The following CENPE variants were observed in gnomAD, a reference collection of about 807,000 sequenced individuals.
CENPE encodes centromere-associated protein E.
A neutral mutation model predicts 336.1 loss-of-function variants in CENPE; 145 were observed. The ratio of observed to expected loss-of-function variants is 0.43; its 90% CI spans 0.38 to 0.50. The LOEUF (loss-of-function observed/expected upper bound fraction) is 0.50. Ranked by LOEUF, CENPE falls within the 20% of genes least tolerant of loss-of-function variation. The probability of loss-of-function intolerance (pLI) is 0.00; values close to 1 mark genes in which losing one functional copy is unlikely to be tolerated. For missense variants in CENPE, 2,719 were observed against 3,023.3 expected (o/e 0.90, Z 2.36); for synonymous variants, 1,013 against 984.8 (o/e 1.03, Z -0.54).
At chr4:103,146,276 A>G (rs1230810728) in intron 29 of CENPE, among the ~76,000 whole-genome samples, 169 bp from the exon 30 acceptor site, 1 of 152,186 alleles carries the variant, frequency 6.6e-6, no homozygotes, top group Non-Finnish European at 1.5e-5. Flanking sequence ...AATGCTTTTT[A>G]AAAATTGAGG....
chr4:103,113,104 ATATATATACTTATAAGTATATGTG>A (rs1391796167), intron 46 of CENPE, among the ~76,000 whole-genome samples: 60 of 127,060 alleles, frequency 4.7e-4, no homozygotes, highest in Non-Finnish European at 2.1e-4. Context: ...ATATAAGTGT[ATATATATACTTATAAGTATATGTG>A]TATATATACT....
intron 48 of CENPE, among the ~76,000 whole-genome samples, chr4:103,108,444 A>G (rs1749090587): frequency 6.6e-6 from 1 of 152,168 alleles, no homozygotes; most frequent in Non-Finnish European, 1.5e-5. Flanking sequence ...GGCTTGGGTA[A>G]AGTAAATATA....
At chr4:103,110,752 T>C in intron 47 of CENPE, 76 bp downstream of exon 47, 3 of 1,101,864 alleles carry the variant, frequency 2.7e-6, no homozygotes, top group Non-Finnish European at 3.7e-6. Flanking sequence ...CTGCAAAAAA[T>C]ACGTGCATAT....
chr4:103,193,951 G>A (rs1417434046), intron 8 of CENPE, among the ~76,000 whole-genome samples: 1 of 151,844 alleles, frequency 6.6e-6, no homozygotes, highest in African/African-American at 2.4e-5. Flanking sequence ...TACTGCATTA[G>A]TGGTTAGAAA....
intron 40 of CENPE, among the ~76,000 whole-genome samples, chr4:103,134,873 T>C (rs1465634618): frequency 6.6e-6 from 1 of 152,294 alleles, no homozygotes; most frequent in African/African-American, 2.4e-5. Flanking sequence ...TATAATCTGG[T>C]CTCTTCCTTA....
At position 103,140,285 on chromosome 4, in the gene CENPE, C is replaced by A. The variant is rs143905625; in HGVS notation, c.5884G>T (p.Asp1962Tyr). 5.6e-6 allele frequency: 9 copies of A among 1,602,888 alleles called. No homozygotes were observed. Among genetic ancestry groups the A allele is most frequent in the Non-Finnish European group, 7.7e-6 (9 of 1,175,596 alleles). ...TTCTGTAATTCATCTTTTGATTTATCTAAATCCTTTTGAATGTCTGAAATT... is the reference window on the plus strand; with the variant it reads ...TTCTGTAATTCATCTTTTGATTTATATAAATCCTTTTGAATGTCTGAAATT... The part of the protein sequence containing the change: ...IQISDIQKDL[D>Y]KSKDELQKKI... The change falls in exon 37 of 49, where the codon GAT becomes TAT. Residue 1962 changes from aspartate to tyrosine, a missense_variant. Asp to Tyr is a radical substitution (Grantham distance 160). Transcript: ENST00000265148.
intron 42 of CENPE, among the ~76,000 whole-genome samples, chr4:103,123,821 T>C (rs61034129): frequency 0.011 from 1,637 of 152,320 alleles, 23 homozygotes; most frequent in African/African-American, 0.034. Flanking sequence ...CCAAGCCCTT[T>C]ACTGCAAGTA....
chr4:103,114,108 T>C (rs570067926), intron 46 of CENPE, among the ~76,000 whole-genome samples: 2 of 152,288 alleles, frequency 1.3e-5, no homozygotes, highest in Admixed American at 6.5e-5. Context: ...AATTAAAATC[T>C]ACGAAGACAT....
At chr4:103,193,619 T>C (rs981638845) in intron 8 of CENPE, among the ~76,000 whole-genome samples, 3 of 152,114 alleles carry the variant, frequency 2.0e-5, no homozygotes, top group Non-Finnish European at 2.9e-5. Flanking sequence ...ATGTGGAATA[T>C]AGGAATGTTT....
intron 16 of CENPE, among the ~76,000 whole-genome samples, chr4:103,168,260 T>C (rs982782019): frequency 6.6e-5 from 10 of 151,998 alleles, no homozygotes; most frequent in Admixed American, 2.6e-4. Flanking sequence ...CTCGACTGTA[T>C]TGGGAACTGC....
chr4:103,190,969 A>T (rs1025422667), intron 8 of CENPE, among the ~76,000 whole-genome samples: 3 of 152,036 alleles, frequency 2.0e-5, no homozygotes, highest in Non-Finnish European at 4.4e-5. Flanking sequence ...AAACAACCAC[A>T]TCGACAAGTG....
Position 103,145,630 on chromosome 4 carries a change from G to C in CENPE, c.4465C>G (p.Gln1489Glu). The change falls in exon 31 of 49, where the codon CAA becomes GAA. Residue 1489 changes from glutamine to glutamate, a missense_variant. Around this residue, in one of 5 missense-constraint regions of CENPE, gnomAD observed 2,437 missense variants for 2,513.3 expected, o/e 0.97. Coordinates refer to ENST00000265148, the MANE Select transcript of CENPE (RefSeq NM_001813.3). Reference protein sequence around the residue: ...LKVAHCCLKEQEETINELRVN... With the variant: ...LKVAHCCLKEEEETINELRVN... ...CTTAACTCATTAATAGTTTCCTCTT[G>C]TTCTTTCAGGCAACAATGAGCAACT... 1.9e-6 allele frequency: 3 copies of C among 1,607,834 alleles called. No individual in the cohort carries two copies. The highest frequency in any genetic ancestry group is 2.5e-6 in the Non-Finnish European group (3 of 1,178,224).
Position 103,108,973 on chromosome 4 carries a change from GT to G in CENPE, c.7840del (p.Thr2614GlnfsTer53). 6.2e-7 allele frequency: 1 copy of G among 1,613,760 alleles called. No homozygotes were observed. The highest frequency in any genetic ancestry group is 1.1e-5 in the South Asian group (1 of 91,072). On this transcript the variant is annotated frameshift_variant, in exon 48 of 49. Transcript: ENST00000265148. LOFTEE classifies it high-confidence loss of function. Reference sequence around the variant, plus strand: ...TGTAATTTGTTTCTTTTTAGAAGCTGTTCCAGTCACTTTAGGAGACTTTGGA... The same window carrying G: ...TGTAATTTGTTTCTTTTTAGAAGCTGTCCAGTCACTTTAGGAGACTTTGGA... The part of the protein sequence containing the change: ...NSPKSPKVTG[T>X]ASKKKQITPS...
At chr4:103,119,408 A>AT (rs1217710298) in intron 44 of CENPE, among the ~76,000 whole-genome samples, 1 of 152,170 alleles carries the variant, frequency 6.6e-6, no homozygotes. Flanking sequence ...TTACAGTTGA[A>AT]TTTTTTTAGT....
Position 103,164,920 on chromosome 4 carries a change from T to C in CENPE, c.1648-1367A>G, listed in dbSNP as rs192018806. Among the ~76,000 whole-genome samples the C allele has an allele frequency of 3.7e-4, 56 of 152,230 alleles. No homozygotes were observed. In the East Asian group the frequency reaches 6.2e-3, roughly 17 times the overall value. ...CCAATAAGAAAGAATCAAAAATCAA[T>C]CTTAACTTTTAAAAATACTTAGAAG... On this transcript the variant is annotated intron_variant, in intron 16 of 48. Transcript: ENST00000265148.
chr4:103,145,019 C>CAA (rs369959588), intron 32 of CENPE, 31 bp downstream of exon 32: 510 of 1,227,312 alleles, frequency 4.2e-4, no homozygotes, highest in Middle Eastern at 1.0e-3. Flanking sequence ...TTTCTGTATC[C>CAA]AAAAAAAAAA....
Position 103,161,445 on chromosome 4 carries a change from C to A in CENPE, c.1855G>T (p.Asp619Tyr), listed in dbSNP as rs780446063. ...AGAGTCTGCTTCATTTGTTTTGGGTCTTCAATGCTTTCCTAGACAGATGAC... is the reference window on the plus strand; with the variant it reads ...AGAGTCTGCTTCATTTGTTTTGGGTATTCAATGCTTTCCTAGACAGATGAC... ...DLSYSLESIE[D>Y]PKQMKQTLFD... Residue 619 changes from aspartate (D) to tyrosine (Y), a missense_variant, in exon 19 of 49, where the codon GAC becomes TAC. Physicochemically the swap from Asp to Tyr is radical, Grantham distance 160. Coordinates refer to ENST00000265148, the MANE Select transcript of CENPE (RefSeq NM_001813.3). 3.2e-5 allele frequency: 52 copies of A among 1,609,284 alleles called. No individual in the cohort carries two copies. The highest frequency in any genetic ancestry group is 3.3e-4 in the Middle Eastern group (2 of 6,042).
At chr4:103,146,527 TAGGCAAAA>T (rs965397928) in intron 29 of CENPE, among the ~76,000 whole-genome samples, 1 of 152,062 alleles carries the variant, frequency 6.6e-6, no homozygotes, top group Non-Finnish European at 1.5e-5. Context: ...GAGCATTAGT[TAGGCAAAA>T]AGGAGTATGG....
chr4:103,114,097 C>A (rs1191034058), intron 46 of CENPE, among the ~76,000 whole-genome samples: 1 of 152,042 alleles, frequency 6.6e-6, no homozygotes, highest in African/African-American at 2.4e-5. Flanking sequence ...TAGATGCATA[C>A]AATTAAAATC....
Sources: gnomAD v4.1 joint callset for allele counts (sites outside exome capture counted in the v4.1 genomes callset) on GRCh38, gnomAD v4.1.1 for gene constraint, gnomAD v4.1.1 regional missense constraint, MANE v1.5 for transcripts, NCBI Gene and HGNC (gene_info 2026-07-23, HGNC 2026-07-21) for gene names.